Variants in TBXAS1 observed in about 807,000 individuals in gnomAD.
The protein encoded by TBXAS1 is thromboxane A synthase 1.
Under a neutral mutation model 60.7 loss-of-function variants are expected in TBXAS1, and 48 were observed. The ratio of observed to expected loss-of-function variants is 0.79; its 90% CI spans 0.63 to 1.01. The LOEUF (loss-of-function observed/expected upper bound fraction) is 1.01, where lower values mean the gene tolerates loss of function less well. Among genes scored for constraint, TBXAS1 ranks in the 50% least tolerant of loss-of-function variants. The probability of loss-of-function intolerance (pLI) is 0.00; values close to 1 mark genes in which losing one functional copy is unlikely to be tolerated. For missense variants in TBXAS1, 685 were observed against 686.3 expected (o/e 1.00, Z 0.02); for synonymous variants, 287 against 269.7 (o/e 1.06, Z -0.63).
intron 9 of TBXAS1, among the ~76,000 whole-genome samples, chr7:139,983,118 C>T (rs1379234747): frequency 6.6e-6 from 1 of 152,226 alleles, no homozygotes; most frequent in East Asian, 1.9e-4. Flanking sequence ...AAACTGATTA[C>T]ATCATTGCTT....
rs1185956439 is a variant in TBXAS1 at position 139,865,605 on chromosome 7, A to G, written c.90-6630A>G. Among the ~76,000 whole-genome samples, 84 of 50,338 alleles carry G rather than the reference A, an allele frequency of 1.7e-3. No individual in the cohort carries two copies. In the South Asian group the frequency reaches 0.024, roughly 14 times the overall value. The allele number at this position is 50,338 out of a possible 152,430, so 33.0% of individuals were successfully genotyped here. A position where few individuals can be genotyped will look rare whatever the true frequency, so the allele number is the denominator to read the frequency against. ...AGAAGAAGGAGGAGGAGGAGGAGGA[A>G]GAGGAGGAGGAGGAAGAGGAGGAGG... On this transcript the variant is annotated intron_variant, in intron 1 of 12. Transcript: ENST00000448866.
At chr7:139,944,466 TA>T (rs1347800292) in intron 5 of TBXAS1, among the ~76,000 whole-genome samples, 1 of 152,180 alleles carries the variant, frequency 6.6e-6, no homozygotes. Context: ...GAGGAGCTAT[TA>T]AATACTTGAA....
chr7:139,986,086 G>A (rs1031979836), intron 9 of TBXAS1, among the ~76,000 whole-genome samples: 23 of 152,342 alleles, frequency 1.5e-4, no homozygotes, highest in South Asian at 4.1e-4. Flanking sequence ...GCTGGCGGGC[G>A]GAGGAGTGCC....
chr7:140,015,587 G>A, intron 10 of TBXAS1, 136 bp from the exon 11 acceptor site: 1 of 1,041,540 alleles, frequency 9.6e-7, no homozygotes, highest in Admixed American at 1.8e-5. Context: ...GGGGTCCTCT[G>A]TCCCCAGCCT....
intron 2 of TBXAS1, among the ~76,000 whole-genome samples, chr7:139,781,270 CTCCTT>C (rs779214144): frequency 5.3e-5 from 8 of 152,212 alleles, no homozygotes; most frequent in Non-Finnish European, 1.0e-4. Context: ...TACTAATTGT[CTCCTT>C]TCCTTCCGGT....
intron 4 of TBXAS1, among the ~76,000 whole-genome samples, chr7:139,796,211 T>A (rs936275318): frequency 3.3e-5 from 5 of 152,174 alleles, no homozygotes. Context: ...GGTATCCTCA[T>A]AGAACTTGGT....
At chr7:140,009,619 G>A (rs535809766) in intron 10 of TBXAS1, among the ~76,000 whole-genome samples, 2 of 13,630 alleles carry the variant, frequency 1.5e-4, no homozygotes, top group African/African-American at 3.1e-4. Context: ...CCCCACACCC[G>A]CCCCACACCT....
rs57545948 is a variant in TBXAS1, at chr7:139,852,935, TACACACACACACACACAC to T, written c.90-19262_90-19245del. ...TGTGTACCAACCTTGGCTACTCCAATACACACACACACACACACACACACACACACACACACACACACA... is the reference window on the plus strand; with the variant it reads ...TGTGTACCAACCTTGGCTACTCCAATACACACACACACACACACACACACA... On this transcript the variant is annotated intron_variant, in intron 1 of 12. Transcript: ENST00000448866. This position sits in a 1 kb window ranked among gnomAD's most constrained non-coding sequence, Gnocchi z 4.4. 0.036 allele frequency among the ~76,000 whole-genome samples: 4,562 copies of T among 127,470 alleles called. 96 individuals are homozygous for T. Among genetic ancestry groups the T allele is most frequent in the Non-Finnish European group, 0.051 (3,001 of 58,974 alleles). The allele number at this position is 127,470 out of a possible 152,430, so 83.6% of individuals were successfully genotyped here.
At chr7:139,909,936 G>T (rs897176746) in intron 3 of TBXAS1, among the ~76,000 whole-genome samples, 1 of 152,178 alleles carries the variant, frequency 6.6e-6, no homozygotes, top group Non-Finnish European at 1.5e-5. Context: ...AAGCAGGCTT[G>T]TCCCTGGCTC....
Position 140,015,778 on chromosome 7 carries a change from G to A in TBXAS1, c.1282G>A (p.Gly428Ser). Residue 428 changes from glycine to serine, a missense_variant, in exon 11 of 13, where the codon GGC (glycine) becomes AGC (serine). Physicochemically the swap from Gly to Ser is moderately conservative, Grantham distance 56. Coordinates refer to ENST00000448866, the MANE Select transcript of TBXAS1 (RefSeq NM_001061.7). ...CEVLGQRIPA[G>S]AVLEMAVGAL... ...GGTGCTGGGGCAGCGCATCCCCGCA[G>A]GCGCTGTGCTAGAGATGGCCGTGGG... The A allele has an allele frequency of 6.2e-7, 1 of 1,613,688 alleles. No homozygotes were observed. The highest frequency in any genetic ancestry group is 8.5e-7 in the Non-Finnish European group (1 of 1,180,032).
intron 3 of TBXAS1, among the ~76,000 whole-genome samples, chr7:139,885,051 T>G (rs1177875123): frequency 6.6e-6 from 1 of 152,152 alleles, no homozygotes; most frequent in Non-Finnish European, 1.5e-5. Flanking sequence ...GGCCTGCAGA[T>G]GAGGGACAGA....
At chr7:139,813,069 TAAAATAAATA>T (rs1396508129) in intron 4 of TBXAS1, among the ~76,000 whole-genome samples, 5 of 124,304 alleles carry the variant, frequency 4.0e-5, no homozygotes, top group South Asian at 2.7e-4. Flanking sequence ...ATAAATAAAA[TAAAATAAATA>T]AAATAAAATA....
At chr7:139,806,979 T>G (rs1377869906) in intron 4 of TBXAS1, among the ~76,000 whole-genome samples, 1 of 152,148 alleles carries the variant, frequency 6.6e-6, no homozygotes, top group Non-Finnish European at 1.5e-5. Flanking sequence ...CAGCACACAC[T>G]CCCATATGGA....
intron 6 of TBXAS1, among the ~76,000 whole-genome samples, chr7:139,954,522 G>A (rs1554497468): frequency 2.0e-5 from 3 of 152,210 alleles, no homozygotes; most frequent in Non-Finnish European, 2.9e-5. Flanking sequence ...ATCTGGAAAC[G>A]TCATGTATTC....
At chr7:139,787,420 A>G (rs538136088) in exon 4 of TBXAS1, 2 of 152,374 alleles carry the variant, frequency 1.3e-5, no homozygotes, top group East Asian at 1.9e-4. Flanking sequence ...AGGCAGAACA[A>G]CAACAGGTAA....
intron 3 of TBXAS1, among the ~76,000 whole-genome samples, chr7:139,897,047 A>G (rs1804158609): frequency 6.6e-6 from 1 of 152,176 alleles, no homozygotes; most frequent in Admixed American, 6.5e-5. Flanking sequence ...TGGAGCTGGA[A>G]TACAGCACAC....
chr7:139,862,877 T>C (rs1318417172), intron 1 of TBXAS1, among the ~76,000 whole-genome samples: 2 of 152,216 alleles, frequency 1.3e-5, no homozygotes, highest in African/African-American at 4.8e-5. Context: ...ATTGTCTACA[T>C]GTTCTCATGT....
chr7:139,829,512 C>G (rs554747912), intron 1 of TBXAS1, 33 bp downstream of exon 1: 2 of 1,595,426 alleles, frequency 1.3e-6, no homozygotes, highest in East Asian at 4.5e-5. Context: ...ACTGTGACAG[C>G]GTCAGCCGTC....
chr7:140,013,092 A>G lies in TBXAS1; in HGVS notation c.1227-2631A>G, dbSNP rs935577084. 6.6e-6 allele frequency among the ~76,000 whole-genome samples: 1 copy of G among 152,090 alleles called. No individual in the cohort carries two copies. Among genetic ancestry groups the G allele is most frequent in the East Asian group, 1.9e-4 (1 of 5,190 alleles). On this transcript the variant is annotated intron_variant, in intron 10 of 12. Transcript: ENST00000448866. This position sits in a 1 kb window ranked among gnomAD's most constrained non-coding sequence, Gnocchi z 4.2. ...AGAGCGAGACTCCATCTCAAAAAAA[A>G]AAAAAAAAAGAAATTGGGGCAAGAT...
Sources: allele counts gnomAD v4.1 joint callset (sites outside exome capture counted in the v4.1 genomes callset), GRCh38; gene constraint gnomAD v4.1.1; non-coding constraint Gnocchi (gnomAD v3.1); transcripts MANE v1.5; gene names NCBI Gene and HGNC (gene_info 2026-07-23, HGNC 2026-07-21).